TNRC6C: variants seen among roughly 807,000 people sequenced by gnomAD.
The protein encoded by TNRC6C is trinucleotide repeat containing adaptor 6C, also known as trinucleotide repeat-containing gene 6C protein.
TNRC6C carries 20 observed loss-of-function variants against 153.7 expected under a neutral mutation model. The observed-to-expected ratio is 0.13, with a 90% CI of 0.09 to 0.19. TNRC6C has a LOEUF of 0.19. TNRC6C is among the 10% of genes least tolerant of loss of function. The pLI, the probability that TNRC6C is intolerant of heterozygous loss-of-function variation, is 1.00. For missense variants in TNRC6C, 1,987 were observed against 2,172.0 expected (o/e 0.91, Z 1.69); for synonymous variants, 811 against 841.4 (o/e 0.96, Z 0.63).
intron 1 of TNRC6C, among the ~76,000 whole-genome samples, chr17:77,990,993 G>A (rs1598656062): frequency 6.6e-6 from 1 of 152,102 alleles, no homozygotes; most frequent in Non-Finnish European, 1.5e-5. Context: ...CAGCATTTTT[G>A]TTTCTTAGTG....
intron 3 of TNRC6C, among the ~76,000 whole-genome samples, chr17:78,055,298 C>CCGT: frequency 6.6e-6 from 1 of 152,178 alleles, no homozygotes; most frequent in Non-Finnish European, 1.5e-5. Context: ...CCGGGATCTT[C>CCGT]AGTATCACTG....
intron 7 of TNRC6C, among the ~76,000 whole-genome samples, chr17:78,073,765 G>T (rs541523059): frequency 1.3e-5 from 2 of 152,170 alleles, no homozygotes; most frequent in South Asian, 4.2e-4. Flanking sequence ...TCTGTTTCAA[G>T]ACACCTTATT....
At chr17:78,014,341 T>A (rs1408089624) in intron 1 of TNRC6C, among the ~76,000 whole-genome samples, 1 of 152,212 alleles carries the variant, frequency 6.6e-6, no homozygotes, top group Non-Finnish European at 1.5e-5. Flanking sequence ...GAGAGAGTTA[T>A]GATCAATGTT....
intron 15 of TNRC6C, 21 bp from the exon 18 acceptor site, chr17:78,093,599 T>G: frequency 6.2e-7 from 1 of 1,613,456 alleles, no homozygotes; most frequent in African/African-American, 1.3e-5. Context: ...CTGTGGCTTC[T>G]CATTTTGGTT....
intron 1 of TNRC6C, among the ~76,000 whole-genome samples, chr17:78,012,771 G>T (rs1412394693): frequency 6.6e-6 from 1 of 152,228 alleles, no homozygotes; most frequent in African/African-American, 2.4e-5. Flanking sequence ...GCTGAGTGAG[G>T]TGGTGGCCAG....
intron 1 of TNRC6C, among the ~76,000 whole-genome samples, chr17:78,018,543 G>T (rs139042882): frequency 1.3e-5 from 2 of 152,144 alleles, no homozygotes; most frequent in Non-Finnish European, 2.9e-5. Context: ...ACATGTTTGG[G>T]GGGGTGGAGC....
At chr17:77,986,158 T>A (rs2071163923) in intron 1 of TNRC6C, among the ~76,000 whole-genome samples, 2 of 152,164 alleles carry the variant, frequency 1.3e-5, no homozygotes. Context: ...GGCTCACACC[T>A]GTAATCCCAG....
rs556424117 is a variant in TNRC6C at position 78,087,467 on chromosome 17, G to A, written c.3802+374G>A. On this transcript the variant is annotated intron_variant, in intron 13 of 19. Coordinates refer to ENST00000301624, the Ensembl canonical transcript of TNRC6C. ...ACACTAACCACGTTGTATAGAGCAG[G>A]AGTTTTGCCGCTGCCAATAATACTC... 4.2e-5 allele frequency among the ~76,000 whole-genome samples: 6 copies of A among 142,576 alleles called. No individual in the cohort carries two copies. In the South Asian group the frequency reaches 1.4e-3, roughly 34 times the overall value. The allele number at this position is 142,576 out of a possible 152,430, so 93.5% of individuals were successfully genotyped here. A position where few individuals can be genotyped will look rare whatever the true frequency, so the allele number is the denominator to read the frequency against.
intron 1 of TNRC6C, among the ~76,000 whole-genome samples, chr17:77,971,114 C>T (rs1331157746): frequency 6.6e-6 from 1 of 152,170 alleles, no homozygotes; most frequent in East Asian, 1.9e-4. Context: ...ATGAAATAAG[C>T]CTCACATATC....
In TNRC6C at chr17:78,089,284, A is replaced by C. The variant is rs573964794; in HGVS notation, c.3803-2156A>C. Among the ~76,000 whole-genome samples the C allele has an allele frequency of 2.6e-5, 4 of 152,222 alleles. No individual in the cohort carries two copies. The South Asian group carries it at 8.3e-4, about 32-fold the overall frequency. On this transcript the variant is annotated intron_variant, in intron 13 of 19. Transcript: ENST00000301624. ...TGCCCGACCACTTATCTTTACTCTT[A>C]AGGATTTTTTCTCTTAGTACAAGTT... is the stretch of plus-strand genomic sequence containing the variant.
intron 10 of TNRC6C, among the ~76,000 whole-genome samples, chr17:78,081,950 C>T (rs1463840822): frequency 6.6e-6 from 1 of 151,864 alleles, no homozygotes; most frequent in African/African-American, 2.4e-5. Context: ...GAAGACTTTC[C>T]TTCTTCCTTC....
At chr17:77,992,868 TA>T (rs1428746795) in intron 1 of TNRC6C, among the ~76,000 whole-genome samples, 1 of 152,156 alleles carries the variant, frequency 6.6e-6, no homozygotes, top group Non-Finnish European at 1.5e-5. Flanking sequence ...AATAGTAAAA[TA>T]ACGTGGCAAA....
intron 1 of TNRC6C, among the ~76,000 whole-genome samples, chr17:78,006,482 C>CTTCTTCTTCTTTCTTCTTCT (rs1229198151): frequency 1.8e-4 from 27 of 148,798 alleles, no homozygotes; most frequent in African/African-American, 6.6e-4. Flanking sequence ...ATTTCTTCTT[C>CTTCTTCTTCTTTCTTCTTCT]TTCTTCTTCT....
chr17:78,051,393 G>A (rs1312599859), exon 3 of TNRC6C: 26 of 1,548,628 alleles, frequency 1.7e-5, no homozygotes, highest in Non-Finnish European at 2.1e-5. Flanking sequence ...GGGTCGAGAC[G>A]CCGCCCCCGC....
intron 1 of TNRC6C, among the ~76,000 whole-genome samples, chr17:78,018,220 G>A (rs375134490): frequency 6.6e-6 from 1 of 152,040 alleles, no homozygotes; most frequent in Non-Finnish European, 1.5e-5. Context: ...TCCACCTCCC[G>A]GGCTCAAGTG....
At chr17:78,045,493 C>T (rs1385849356) in intron 2 of TNRC6C, among the ~76,000 whole-genome samples, 2 of 152,136 alleles carry the variant, frequency 1.3e-5, no homozygotes, top group Non-Finnish European at 2.9e-5. Context: ...TAGGCGGCGT[C>T]ATTGTAGTGG....
Position 78,051,055 on chromosome 17 carries a change from C to A in TNRC6C, c.1993C>A (p.Gln665Lys), listed in dbSNP as rs373111046. ...GGAGACTTTAAAACCTGGCCCCCAA[C>A]AGAACTGGGCTAGCAAACCCCAAGA... The change falls in exon 3 of 20, where the codon CAG becomes AAG. Residue 665 changes from glutamine (Q) to lysine (K), a missense_variant. Physicochemically the swap from Gln to Lys is moderately conservative, Grantham distance 53. This residue lies in a region of TNRC6C where 1,052 missense variants were observed against 1,017.0 expected (regional missense o/e 1.03). Coordinates refer to ENST00000301624, the Ensembl canonical transcript of TNRC6C. The A allele has an allele frequency of 1.9e-6, 3 of 1,610,322 alleles. No individual in the cohort carries two copies. In the African/African-American group the frequency reaches 4.0e-5, roughly 22 times the overall value.
At position 78,075,250 on chromosome 17, in the gene TNRC6C, C is replaced by G; in HGVS notation, c.3032C>G (p.Ser1011Cys). ...CGCCCGCCAATCTCCAAAGAGTCTTCCGTGGACCGCCCCACCTTTCTTGAC... is the reference window on the plus strand; with the variant it reads ...CGCCCGCCAATCTCCAAAGAGTCTTGCGTGGACCGCCCCACCTTTCTTGAC... Residue 1011 changes from serine (S) to cysteine (C), a missense_variant, in exon 8 of 20, where the codon TCC (serine) becomes TGC (cysteine). By Grantham distance (112) the Ser-to-Cys change is moderately radical (BLOSUM62 -1). Transcript: ENST00000301624. The surrounding 1 kb of genome is among the most constrained non-coding windows in gnomAD (Gnocchi z 4.2). 1 of 1,600,036 alleles carries G rather than the reference C, an allele frequency of 6.2e-7. No individual in the cohort carries two copies. The highest frequency in any genetic ancestry group is 8.5e-7 in the Non-Finnish European group (1 of 1,173,134).
exon 3 of TNRC6C, chr17:78,050,126 T>G: frequency 6.2e-7 from 1 of 1,604,790 alleles, no homozygotes; most frequent in Non-Finnish European, 8.5e-7. Context: ...AACAGTGACA[T>G]CAATGGGAAA....
Sources: allele counts gnomAD v4.1 joint callset (sites outside exome capture counted in the v4.1 genomes callset), GRCh38; gene constraint gnomAD v4.1.1; regional missense constraint gnomAD v4.1.1; non-coding constraint Gnocchi (gnomAD v3.1); transcripts MANE v1.5; gene names NCBI Gene and HGNC (gene_info 2026-07-23, HGNC 2026-07-21).